Variants in MXRA5 observed in about 807,000 individuals in gnomAD.
The protein encoded by MXRA5 is matrix remodeling associated 5.
In MXRA5, 41 loss-of-function variants were observed where a neutral mutation model predicts 112.5. The ratio of observed to expected loss-of-function variants is 0.36; its 90% CI spans 0.28 to 0.47. MXRA5 has a LOEUF of 0.47. MXRA5 is among the 20% of genes least tolerant of loss of function. The pLI, the probability that MXRA5 is intolerant of heterozygous loss-of-function variation, is 0.99. For missense variants in MXRA5, 2,150 were observed against 2,251.0 expected (o/e 0.96, Z 0.91); for synonymous variants, 862 against 900.8 (o/e 0.96, Z 0.77).
Position 3,310,347 on chromosome X carries a change from C to A in MXRA5, c.7856G>T (p.Arg2619Leu), listed in dbSNP as rs367812191. The A allele has an allele frequency of 3.3e-6, 4 of 1,202,624 alleles. No individual in the cohort carries two copies. In the East Asian group the frequency reaches 1.2e-4, roughly 36 times the overall value. ...VDAGAYRCVA[R>L]NAAGHTERLV... ...CCTCTCCGTGTGGCCAGCGGCATTGCGGGCCACGCAGCGGTAGGCCCCGGC... is the reference window on the plus strand; with the variant it reads ...CCTCTCCGTGTGGCCAGCGGCATTGAGGGCCACGCAGCGGTAGGCCCCGGC... Residue 2619 changes from arginine to leucine, a missense_variant, in exon 7 of 7, where the codon CGC becomes CTC. Arg to Leu is a moderately radical substitution (Grantham distance 102). This residue lies in a region of MXRA5 where 178 missense variants were observed against 198.2 expected (regional missense o/e 0.90). Coordinates refer to ENST00000217939, the MANE Select transcript of MXRA5 (RefSeq NM_015419.4).
chrX:3,344,147 C>A (rs774088794), intron 1 of MXRA5, among the ~76,000 whole-genome samples: 1 of 103,945 alleles, frequency 9.6e-6, no homozygotes, highest in East Asian at 2.9e-4. Context: ...GGCTATGAAA[C>A]AGAGAGAGAC....
At chrX:3,338,533 T>G (rs184702339) in intron 2 of MXRA5, among the ~76,000 whole-genome samples, 1 of 111,247 alleles carries the variant, frequency 9.0e-6, no homozygotes, top group South Asian at 3.8e-4. Context: ...GGTAGATAGA[T>G]AGAATACATG....
At chrX:3,319,974 A>G (rs201301618) in intron 5 of MXRA5, 34 bp downstream of exon 5, 58 of 248,518 alleles carry the variant, frequency 2.3e-4, no homozygotes, top group Non-Finnish European at 3.2e-4. Flanking sequence ...AAAATTGACC[A>G]AAAAAAAAAA....
chrX:3,338,957 G>GA (rs1448076608), intron 2 of MXRA5, among the ~76,000 whole-genome samples: 43 of 68,743 alleles, frequency 6.3e-4, no homozygotes, highest in African/African-American at 3.6e-3. Context: ...TAGATAGATA[G>GA]TTAGATAGAT....
At chrX:3,319,032 A>G (rs1413544511) in intron 5 of MXRA5, among the ~76,000 whole-genome samples, 1 of 111,470 alleles carries the variant, frequency 9.0e-6, no homozygotes, top group East Asian at 2.8e-4. Context: ...GCTGAAGCAG[A>G]TAGTGGAATG....
At chrX:3,318,808 A>T (rs1170312699) in intron 5 of MXRA5, among the ~76,000 whole-genome samples, 2 of 112,018 alleles carry the variant, frequency 1.8e-5, no homozygotes, top group African/African-American at 6.5e-5. Flanking sequence ...GAATGAATGG[A>T]TAAAGGGAAT....
chrX:3,328,414 G>A (rs767696952), intron 4 of MXRA5, among the ~76,000 whole-genome samples: 1 of 112,068 alleles, frequency 8.9e-6, no homozygotes, highest in Non-Finnish European at 1.9e-5. Flanking sequence ...GGGGACAGGT[G>A]GAGCGACCAT....
Position 3,346,499 on chromosome X carries a change from C to T in MXRA5, c.-29+16G>A. 6 of 754,279 alleles carry T rather than the reference C, an allele frequency of 8.0e-6. No individual in the cohort carries two copies. The highest frequency in any genetic ancestry group is 9.4e-6 in the Non-Finnish European group (6 of 639,008). 62.2% of individuals were successfully genotyped at this position (754,279 alleles called of 1,213,427 possible). ...CACGGCAGCCCTGGGGCGCCCTGGCCACCCTGGGTCCTCACCTGTCCTTGG... is the reference window on the plus strand; with the variant it reads ...CACGGCAGCCCTGGGGCGCCCTGGCTACCCTGGGTCCTCACCTGTCCTTGG... On this transcript the variant is annotated intron_variant, in intron 1 of 6. Coordinates refer to ENST00000217939, the MANE Select transcript of MXRA5 (RefSeq NM_015419.4).
Position 3,321,657 on chromosome X carries a change from A to T in MXRA5, c.4028T>A (p.Val1343Asp), listed in dbSNP as rs767162179. Residue 1343 changes from valine to aspartate, a missense_variant, in exon 5 of 7, where the codon GTC (valine) becomes GAC (aspartate). Coordinates refer to ENST00000217939, the MANE Select transcript of MXRA5 (RefSeq NM_015419.4). ...NVDKHKSDIL[V>D]TGESITNAIP... ...GGCATTAGTAATTGATTCACCAGTG[A>T]CTAAAATGTCACTTTTATGTTTGTC... The T allele has an allele frequency of 1.7e-6, 2 of 1,209,517 alleles. No homozygotes were observed. The highest frequency in any genetic ancestry group is 3.5e-5 in the African/African-American group (2 of 57,223).
chrX:3,320,383 A>G lies in MXRA5; in HGVS notation c.5302T>C (p.Ser1768Pro). 1 of 1,211,508 alleles carries G rather than the reference A, an allele frequency of 8.3e-7. No individual in the cohort carries two copies. The highest frequency in any genetic ancestry group is 1.1e-6 in the Non-Finnish European group (1 of 895,389). The change falls in exon 5 of 7, where the codon TCC becomes CCC. Residue 1768 changes from serine to proline, a missense_variant. Physicochemically the swap from Ser to Pro is moderately conservative, Grantham distance 74 (BLOSUM62 -1). This residue lies in a region of MXRA5 where 1,485 missense variants were observed against 1,471.6 expected (regional missense o/e 1.01). Coordinates refer to ENST00000217939, the MANE Select transcript of MXRA5 (RefSeq NM_015419.4). Reference protein sequence around the residue: ...VMRERKVIPGSYNRIHSHSTF... With the variant: ...VMRERKVIPGPYNRIHSHSTF... ...CTATGGGAATGTATCCTGTTGTAGG[A>G]ACCTGGAATAACTTTTCTCTCTCTC... is the stretch of plus-strand genomic sequence containing the variant.
chrX:3,318,796 A>G (rs1921219226), intron 5 of MXRA5, among the ~76,000 whole-genome samples: 1 of 112,157 alleles, frequency 8.9e-6, no homozygotes, highest in African/African-American at 3.2e-5. Flanking sequence ...GTGTCCATCA[A>G]TGAATGAATG....
At position 3,309,655 on chromosome X, in the gene MXRA5, G is replaced by C; in HGVS notation, c.*61C>G. ...TTAAGAGCTCCTATTCCCCAACCTG[G>C]CTTCCCTTACAAACCCCGCTTTGTT... On this transcript the variant is annotated 3_prime_UTR_variant, in exon 7 of 7. Transcript: ENST00000217939. The C allele has an allele frequency of 9.7e-7, 1 of 1,030,566 alleles. No individual in the cohort carries two copies. 84.9% of individuals were successfully genotyped at this position (1,030,566 alleles called of 1,213,427 possible).
chrX:3,325,025 A>T, intron 4 of MXRA5, 50 bp from the exon 5 acceptor site: 1 of 1,117,734 alleles, frequency 8.9e-7, no homozygotes, highest in Non-Finnish European at 1.2e-6. Context: ...AAAGAATGGC[A>T]TGCCTTGCAC....
At chrX:3,316,365 A>C in intron 6 of MXRA5, among the ~76,000 whole-genome samples, 2 of 101,292 alleles carry the variant, frequency 2.0e-5, no homozygotes, top group African/African-American at 3.7e-5. Context: ...TAAATAAATC[A>C]CACACCGGGC....
At position 3,323,875 on chromosome X, in the gene MXRA5, T is replaced by C. The variant is rs765010256; in HGVS notation, c.1810A>G (p.Ile604Val). ...ATCCAGCTAAGGTGGGCTTCGGGTATTGCTAAAGCATTGCAAGGCAATGTC... is the reference window on the plus strand; with the variant it reads ...ATCCAGCTAAGGTGGGCTTCGGGTACTGCTAAAGCATTGCAAGGCAATGTC... ...SVTLPCNALA[I>V]PEAHLSWILP... The change falls in exon 5 of 7, where the codon ATA (isoleucine) becomes GTA (valine). Residue 604 changes from isoleucine (I) to valine (V), a missense_variant. Physicochemically the swap from Ile to Val is conservative, Grantham distance 29 (BLOSUM62 3). Coordinates refer to ENST00000217939, the MANE Select transcript of MXRA5 (RefSeq NM_015419.4). The C allele has an allele frequency of 2.5e-6, 3 of 1,208,525 alleles. No individual in the cohort carries two copies. Among genetic ancestry groups the C allele is most frequent in the Non-Finnish European group, 3.4e-6 (3 of 893,323 alleles).
chrX:3,330,564 G>A, intron 3 of MXRA5, 80 bp downstream of exon 3: 1 of 1,154,449 alleles, frequency 8.7e-7, no homozygotes, highest in Non-Finnish European at 1.2e-6. Flanking sequence ...GATCATTAAG[G>A]AGAATGACAT....
chrX:3,346,316 C>G (rs1472894937), intron 1 of MXRA5, among the ~76,000 whole-genome samples, 199 bp downstream of exon 1: 2 of 112,442 alleles, frequency 1.8e-5, no homozygotes, highest in Admixed American at 9.4e-5. Flanking sequence ...TCCTCCCTAT[C>G]TGATCCTTAG....
In MXRA5 at chrX:3,320,086, C is replaced by T. The variant is rs777665295; in HGVS notation, c.5599G>A (p.Ala1867Thr). The T allele has an allele frequency of 1.5e-5, 18 of 1,209,315 alleles. No individual in the cohort carries two copies. The highest frequency in any genetic ancestry group is 4.6e-4 in the Middle Eastern group (2 of 4,351). The change falls in exon 5 of 7, where the codon GCT (alanine) becomes ACT (threonine). Residue 1867 changes from alanine (A) to threonine (T), a missense_variant. Physicochemically the swap from Ala to Thr is moderately conservative, Grantham distance 58. Around this residue, in one of 6 missense-constraint regions of MXRA5, gnomAD observed 1,485 missense variants for 1,471.6 expected, o/e 1.01. Transcript: ENST00000217939. ...TKSPQTVSVT[A>T]ETDTVFPCEA... is the part of the protein sequence containing the mutation. ...CAGGGGAACACAGTGTCTGTCTCAGCGGTGACGGACACAGTCTGTGGGGAC... is the reference window on the plus strand; with the variant it reads ...CAGGGGAACACAGTGTCTGTCTCAGTGGTGACGGACACAGTCTGTGGGGAC...
At chrX:3,346,449 A>G (rs1032205494) in intron 1 of MXRA5, 66 bp downstream of exon 1, 1 of 701,608 alleles carries the variant, frequency 1.4e-6, no homozygotes, top group African/African-American at 2.4e-5. Flanking sequence ...GGGTGTCTCA[A>G]ATCCCTTCAC....
Sources: gnomAD v4.1 joint callset for allele counts (sites outside exome capture counted in the v4.1 genomes callset) on GRCh38, gnomAD v4.1.1 for gene constraint, gnomAD v4.1.1 regional missense constraint, MANE v1.5 for transcripts, NCBI Gene and HGNC (gene_info 2026-07-23, HGNC 2026-07-21) for gene names.